Variants in DCTD observed in about 807,000 individuals in gnomAD.
DCTD encodes deoxycytidylate deaminase.
Under a neutral mutation model 21.0 loss-of-function variants are expected in DCTD, and 23 were observed. The observed-to-expected ratio is 1.09, with a 90% CI of 0.79 to 1.55. The LOEUF is 1.55. DCTD is among the 40% of genes most tolerant of loss of function. DCTD has a pLI of 0.00. For missense variants in DCTD, 224 were observed against 230.0 expected (o/e 0.97, Z 0.17); for synonymous variants, 71 against 81.1 (o/e 0.88, Z 0.67).
chr4:182,894,236 T>C (rs1244401388), intron 4 of DCTD, among the ~76,000 whole-genome samples: 2 of 152,260 alleles, frequency 1.3e-5, no homozygotes, highest in African/African-American at 4.8e-5. Context: ...AATGCCTGTG[T>C]TGTTTTTTGG....
intron 3 of DCTD, among the ~76,000 whole-genome samples, chr4:182,904,019 GGCCTGCCCAATCCA>G (rs1736212570): frequency 1.3e-5 from 2 of 152,078 alleles, no homozygotes. Context: ...AGGCTGTCCT[GGCCTGCCCAATCCA>G]GCCTGCCTGT....
At position 182,902,158 on chromosome 4, in the gene DCTD, G is replaced by T. The variant is rs529746130; in HGVS notation, c.245-7553C>A. Among the ~76,000 whole-genome samples, 37 of 152,238 alleles carry T rather than the reference G, an allele frequency of 2.4e-4. 1 individual carries two copies. The South Asian group carries it at 7.1e-3, about 29-fold the overall frequency. ...TGCCAGCCTCCGCAGTCCCTATCCT[G>T]CACGTCAATAATTTAACAACGGAAT... On this transcript the variant is annotated intron_variant, in intron 3 of 5. Transcript: ENST00000438320.
At chr4:182,911,314 C>T (rs1040340989) in intron 3 of DCTD, 1 of 152,192 alleles carries the variant, frequency 6.6e-6, no homozygotes, top group Non-Finnish European at 1.5e-5. Flanking sequence ...CAAATATCAG[C>T]ACATTGGAAT....
At chr4:182,914,872 C>T in intron 3 of DCTD, 51 bp downstream of exon 3, 4 of 1,605,556 alleles carry the variant, frequency 2.5e-6, no homozygotes, top group Non-Finnish European at 2.6e-6. Flanking sequence ...CTTAATTAGG[C>T]ACTCACCAGG....
At chr4:182,917,408 C>T, upstream of DCTD, 16 of 995,308 alleles carry the variant, frequency 1.6e-5, no homozygotes, top group South Asian at 4.7e-5. The surrounding 1 kb of genome is among the most constrained non-coding windows in gnomAD (Gnocchi z 4.9). Context: ...GCCGCGGGGC[C>T]GGAAGGGGGC....
chr4:182,898,158 C>T (rs963919925), intron 3 of DCTD, among the ~76,000 whole-genome samples: 2 of 152,232 alleles, frequency 1.3e-5, no homozygotes, highest in African/African-American at 4.8e-5. Flanking sequence ...ATAACAGGCA[C>T]CTGCCAAATC....
intron 1 of DCTD, chr4:182,916,610 C>G: frequency 1.0e-6 from 1 of 996,400 alleles, no homozygotes; most frequent in Non-Finnish European, 1.2e-6. Flanking sequence ...TGCCCCACAT[C>G]TGAGAGGCCT....
At chr4:182,916,531 C>T (rs1738760683) in intron 1 of DCTD, 5 of 986,830 alleles carry the variant, frequency 5.1e-6, no homozygotes, top group Non-Finnish European at 6.0e-6. Flanking sequence ...CAGTGCAGGG[C>T]GGCAGTGCCT....
At position 182,917,073 on chromosome 4, in the gene DCTD, A is replaced by C. The variant is rs1306776036; in HGVS notation, c.-8+238T>G. ...GGCACTCCAAGGGGCCCGGCCTCGC[A>C]CAGGCCGCGGCGCCCGCCGAGAAAT... On this transcript the variant is annotated intron_variant, in intron 1 of 5. Coordinates refer to ENST00000438320, the MANE Select transcript of DCTD (RefSeq NM_001921.3). This position sits in a 1 kb window ranked among gnomAD's most constrained non-coding sequence, Gnocchi z 4.9. The C allele has an allele frequency of 1.0e-6, 1 of 971,596 alleles. No homozygotes were observed. Among genetic ancestry groups the C allele is most frequent in the Non-Finnish European group, 1.2e-6 (1 of 824,788 alleles). 60.2% of individuals were successfully genotyped at this position (971,596 alleles called of 1,614,324 possible).
chr4:182,916,022 G>A, intron 1 of DCTD: 1 of 303,518 alleles, frequency 3.3e-6, no homozygotes. Flanking sequence ...GGTAGACAGT[G>A]CCATCCCATC....
At chr4:182,916,624 A>C (rs570989527) in intron 1 of DCTD, 16 of 996,980 alleles carry the variant, frequency 1.6e-5, no homozygotes, top group Non-Finnish European at 1.9e-5. Context: ...GAGGCCTGGC[A>C]ACCCCCCTAA....
Position 182,917,369 on chromosome 4 carries a change from G to T in DCTD, c.-66C>A. 9.1e-7 allele frequency: 1 copy of T among 1,093,216 alleles called. No homozygotes were observed. Among genetic ancestry groups the T allele is most frequent in the Non-Finnish European group, 1.1e-6 (1 of 900,004 alleles). 67.7% of individuals were successfully genotyped at this position (1,093,216 alleles called of 1,614,324 possible). On this transcript the variant is annotated 5_prime_UTR_variant, in exon 1 of 6. Transcript: ENST00000438320. This position sits in a 1 kb window ranked among gnomAD's most constrained non-coding sequence, Gnocchi z 4.9. ...TCGTCCCCGCCGCCGCCGTGCTCAG[G>T]GAAGGAAGTCGGGGGAGGAGGCGGG...
At chr4:182,914,869 A>T in intron 3 of DCTD, 54 bp downstream of exon 3, 2 of 1,603,320 alleles carry the variant, frequency 1.2e-6, no homozygotes, top group Non-Finnish European at 1.7e-6. Flanking sequence ...TTTCTTAATT[A>T]GGCACTCACC....
intron 3 of DCTD, among the ~76,000 whole-genome samples, chr4:182,910,085 G>C (rs892276225): frequency 2.6e-5 from 4 of 152,072 alleles, no homozygotes. Context: ...GGCCTCCCCC[G>C]ACTCTTGGGG....
At position 182,914,932 on chromosome 4, in the gene DCTD, A is replaced by G; in HGVS notation, c.235T>C (p.Tyr79His). Residue 79 changes from tyrosine (Y) to histidine (H), a missense_variant, in exon 3 of 6, where the codon TAC becomes CAC. Tyr to His is a moderately conservative substitution (Grantham distance 83). Coordinates refer to ENST00000438320, the MANE Select transcript of DCTD (RefSeq NM_001921.3). The stretch of plus-strand genomic sequence containing the variant: ...ATAAAACTTGCCCTACCGTACGGGT[A>G]TTTGGTGTCCAGCTTATTCTCTGCT... ...RTAENKLDTK[Y>H]PYVCHAELNA... The G allele has an allele frequency of 2.5e-6, 4 of 1,614,212 alleles. No individual in the cohort carries two copies. Among genetic ancestry groups the G allele is most frequent in the Non-Finnish European group, 3.4e-6 (4 of 1,180,024 alleles).
At chr4:182,893,271 T>G (rs1044105052) in intron 4 of DCTD, 144 bp from the exon 5 acceptor site, 1 of 703,704 alleles carries the variant, frequency 1.4e-6, no homozygotes, top group Non-Finnish European at 2.6e-6. Context: ...GTCACTGAAA[T>G]ACATATCTGC....
At chr4:182,914,901 T>C (rs1226996221) in intron 3 of DCTD, 22 bp downstream of exon 3, 6 of 1,613,964 alleles carry the variant, frequency 3.7e-6, no homozygotes, top group African/African-American at 1.3e-5. Flanking sequence ...CTAAGCAGAA[T>C]GGGACATAAA....
rs189424425 is a variant in DCTD at position 182,902,796 on chromosome 4, T to C, written c.245-8191A>G. Reference sequence around the variant, plus strand: ...AGAGCTCACACCAGCTGGGCTGCGATGCCCCAGCATGGAAATCAGCAGCGG... The same window carrying C: ...AGAGCTCACACCAGCTGGGCTGCGACGCCCCAGCATGGAAATCAGCAGCGG... On this transcript the variant is annotated intron_variant, in intron 3 of 5. Transcript: ENST00000438320. Among the ~76,000 whole-genome samples, 17 of 152,294 alleles carry C rather than the reference T, an allele frequency of 1.1e-4. No homozygotes were observed. In the East Asian group the frequency reaches 3.3e-3, roughly 29 times the overall value.
intron 1 of DCTD, chr4:182,916,765 G>A (rs1738815160): frequency 8.9e-7 from 1 of 1,120,334 alleles, no homozygotes; most frequent in South Asian, 1.8e-5. Context: ...GGCGAGGGAA[G>A]AGCAGGAGAG....
Sources: gnomAD v4.1 joint callset for allele counts (sites outside exome capture counted in the v4.1 genomes callset) on GRCh38, gnomAD v4.1.1 for gene constraint, Gnocchi (gnomAD v3.1) non-coding constraint, MANE v1.5 for transcripts, NCBI Gene and HGNC (gene_info 2026-07-23, HGNC 2026-07-21) for gene names.